UBE2U: variants seen among roughly 807,000 people sequenced by gnomAD.
The protein encoded by UBE2U is ubiquitin-conjugating enzyme E2 U.
Under a neutral mutation model 41.2 loss-of-function variants are expected in UBE2U, and 39 were observed. That is an observed-to-expected ratio of 0.95 (90% CI 0.73 to 1.24). The LOEUF is 1.24. Among genes scored for constraint, UBE2U ranks in the 50% most tolerant of loss-of-function variants. UBE2U has a pLI of 0.00. For missense variants in UBE2U, 336 were observed against 363.1 expected, an observed-to-expected ratio of 0.93 and a Z score of 0.61; for synonymous variants, 107 against 117.8, an observed-to-expected ratio of 0.91 and a Z score of 0.60.
At chr1:64,254,009 C>G (rs1265568748) in intron 8 of UBE2U, among the ~76,000 whole-genome samples, 1 of 152,018 alleles carries the variant, frequency 6.6e-6, no homozygotes, top group African/African-American at 2.4e-5. Context: ...ATGCTGTCTT[C>G]GAGAGACCCA....
intron 6 of UBE2U, among the ~76,000 whole-genome samples, chr1:64,229,289 A>G (rs906284228): frequency 6.6e-6 from 1 of 152,132 alleles, no homozygotes; most frequent in South Asian, 2.1e-4. Flanking sequence ...ATAACCTAGA[A>G]TAGGGAGAGC....
intron 6 of UBE2U, among the ~76,000 whole-genome samples, chr1:64,221,825 G>A (rs970905830): frequency 2.0e-5 from 3 of 152,134 alleles, no homozygotes; most frequent in African/African-American, 7.2e-5. Context: ...AGTGGCTCAC[G>A]CCTGTAATCC....
intron 7 of UBE2U, among the ~76,000 whole-genome samples, chr1:64,239,138 G>GAAAGAAGAAGAAGA (rs1456152455): frequency 3.4e-5 from 1 of 29,790 alleles, no homozygotes; most frequent in Non-Finnish European, 5.8e-5. Context: ...AGAAGAAGAA[G>GAAAGAAGAAGAAGA]AAGAAGAAGA....
chr1:64,223,770 AGGAGGT>A (rs1361058897), intron 6 of UBE2U, among the ~76,000 whole-genome samples: 1 of 152,156 alleles, frequency 6.6e-6, no homozygotes, highest in East Asian at 1.9e-4. Flanking sequence ...AAGTTTTCAT[AGGAGGT>A]GATGCCAAAG....
chr1:64,250,718 G>T (rs1570125006), intron 8 of UBE2U, among the ~76,000 whole-genome samples: 1 of 152,012 alleles, frequency 6.6e-6, no homozygotes. Flanking sequence ...ATACACCATG[G>T]AATACTATGC....
At chr1:64,266,887 T>C (rs755984351) in intron 9 of UBE2U, 137 bp from the exon 10 acceptor site, 73 of 726,824 alleles carry the variant, frequency 1.0e-4, no homozygotes, top group Non-Finnish European at 1.5e-4. Flanking sequence ...ACATGAAGTT[T>C]AGAAAGTGTA....
At chr1:64,219,972 G>A (rs1316178438) in intron 5 of UBE2U, among the ~76,000 whole-genome samples, 1 of 152,116 alleles carries the variant, frequency 6.6e-6, no homozygotes, top group East Asian at 1.9e-4. Flanking sequence ...GGAAGATTTT[G>A]AGAAAAATGT....
chr1:64,240,740 A>G (rs12072492), intron 7 of UBE2U, among the ~76,000 whole-genome samples: 2,134 of 152,256 alleles, frequency 0.014, 48 homozygotes, highest in African/African-American at 0.049. Flanking sequence ...TGTTGCTCAA[A>G]ACAAAATTTC....
chr1:64,218,955 C>G (rs1290131670), intron 5 of UBE2U, among the ~76,000 whole-genome samples: 1 of 152,126 alleles, frequency 6.6e-6, no homozygotes, highest in Non-Finnish European at 1.5e-5. Flanking sequence ...TCTATCCTTC[C>G]TCTCCATTTC....
chr1:64,222,187 T>C (rs1652538172), intron 6 of UBE2U, among the ~76,000 whole-genome samples: 1 of 151,894 alleles, frequency 6.6e-6, no homozygotes, highest in Admixed American at 6.6e-5. Flanking sequence ...TAGTTAATGG[T>C]ACACTAAGTT....
intron 6 of UBE2U, among the ~76,000 whole-genome samples, chr1:64,231,961 TTTTCA>T (rs1248345681): frequency 6.6e-6 from 1 of 152,196 alleles, no homozygotes; most frequent in Non-Finnish European, 1.5e-5. Flanking sequence ...TGCTTTATAG[TTTTCA>T]TTTAACACCT....
chr1:64,237,134 T>G (rs1473919494), intron 7 of UBE2U, among the ~76,000 whole-genome samples: 1 of 152,116 alleles, frequency 6.6e-6, no homozygotes, highest in Non-Finnish European at 1.5e-5. Context: ...TTCTATTGAT[T>G]GACAAAAATA....
intron 9 of UBE2U, among the ~76,000 whole-genome samples, chr1:64,266,408 G>C (rs1645255269): frequency 6.6e-6 from 1 of 152,142 alleles, no homozygotes; most frequent in Non-Finnish European, 1.5e-5. Context: ...CTTTGATCAA[G>C]TTACTATAGG....
At chr1:64,230,918 G>T (rs909984304) in intron 6 of UBE2U, among the ~76,000 whole-genome samples, 1 of 152,090 alleles carries the variant, frequency 6.6e-6, no homozygotes. Flanking sequence ...ATCATTGGTT[G>T]AAACTATAAA....
chr1:64,229,719 C>T (rs145875313), intron 6 of UBE2U, among the ~76,000 whole-genome samples: 1 of 152,308 alleles, frequency 6.6e-6, no homozygotes, highest in East Asian at 1.9e-4. Context: ...AATAGCACTG[C>T]CATGATTTTC....
intron 7 of UBE2U, among the ~76,000 whole-genome samples, chr1:64,235,012 G>T (rs1263468947): frequency 6.6e-6 from 1 of 152,074 alleles, no homozygotes; most frequent in Non-Finnish European, 1.5e-5. Flanking sequence ...GGGCCACTTG[G>T]AAACTCCAAA....
At chr1:64,253,000 G>C (rs1645035178) in intron 8 of UBE2U, among the ~76,000 whole-genome samples, 1 of 152,160 alleles carries the variant, frequency 6.6e-6, no homozygotes, top group African/African-American at 2.4e-5. Context: ...CCAACGCAAA[G>C]AAGCTGAGAA....
At chr1:64,215,048 C>T in intron 5 of UBE2U, 116 bp downstream of exon 5, 1 of 675,552 alleles carries the variant, frequency 1.5e-6, no homozygotes, top group South Asian at 1.8e-5. Flanking sequence ...GCCTGACCAA[C>T]ATGGAGAAAC....
At chr1:64,252,078 C>A (rs1474366033) in intron 8 of UBE2U, among the ~76,000 whole-genome samples, 1 of 152,198 alleles carries the variant, frequency 6.6e-6, no homozygotes, top group Non-Finnish European at 1.5e-5. Flanking sequence ...TCTGGAGAGT[C>A]CAGGCATTCC....
Sources: allele counts gnomAD v4.1 joint callset (sites outside exome capture counted in the v4.1 genomes callset), GRCh38; gene constraint gnomAD v4.1.1; transcripts MANE v1.5; gene names NCBI Gene and HGNC (gene_info 2026-07-23, HGNC 2026-07-21).